Variants in FRMD3 observed in about 807,000 individuals in gnomAD.
The protein encoded by FRMD3 is FERM domain-containing protein 3.
FRMD3 carries 33 observed loss-of-function variants against 70.2 expected under a neutral mutation model. That is an observed-to-expected ratio of 0.47 (90% CI 0.36 to 0.63). The LOEUF (loss-of-function observed/expected upper bound fraction) is 0.63, where lower values mean the gene tolerates loss of function less well. Among genes scored for constraint, FRMD3 ranks in the 20% least tolerant of loss-of-function variants. The probability of loss-of-function intolerance (pLI) is 0.00; values close to 1 mark genes in which losing one functional copy is unlikely to be tolerated. For synonymous variants in FRMD3, 279 were observed against 255.9 expected, an observed-to-expected ratio of 1.09 and a Z score of -0.86; for missense variants, 632 against 711.4, an observed-to-expected ratio of 0.89 and a Z score of 1.27.
chr9:83,481,224 T>C (rs1256700575), intron 1 of FRMD3, among the ~76,000 whole-genome samples: 1 of 152,202 alleles, frequency 6.6e-6, no homozygotes, highest in African/African-American at 2.4e-5. Context: ...TCTAGATGTT[T>C]ATTACATTAT....
chr9:83,343,354 C>A, intron 4 of FRMD3, 67 bp from the exon 5 acceptor site: 2 of 1,072,244 alleles, frequency 1.9e-6, no homozygotes, highest in South Asian at 2.6e-5. Context: ...TAGGATTGTT[C>A]ATGCTTAGCT....
At chr9:83,511,012 G>T (rs952537793) in intron 1 of FRMD3, among the ~76,000 whole-genome samples, 3 of 152,152 alleles carry the variant, frequency 2.0e-5, no homozygotes, top group Admixed American at 2.0e-4. Flanking sequence ...TGTACGTTAC[G>T]TGTATTAGAT....
At chr9:83,363,653 C>A (rs1004454870) in intron 3 of FRMD3, among the ~76,000 whole-genome samples, 1 of 146,856 alleles carries the variant, frequency 6.8e-6, no homozygotes, top group African/African-American at 2.5e-5. Context: ...CCCCGGGGTT[C>A]ACGCCATTCT....
intron 1 of FRMD3, among the ~76,000 whole-genome samples, chr9:83,494,920 C>T (rs1388881299): frequency 6.6e-6 from 1 of 151,874 alleles, no homozygotes; most frequent in Non-Finnish European, 1.5e-5. Flanking sequence ...ATTGTATACA[C>T]AGTTGTATAC....
intron 1 of FRMD3, among the ~76,000 whole-genome samples, chr9:83,407,880 C>CCTCTT (rs1826166826): frequency 8.4e-6 from 1 of 119,256 alleles, no homozygotes; most frequent in Non-Finnish European, 1.6e-5. Context: ...TCTCATCTTT[C>CCTCTT]TCTCTCTCTC....
chr9:83,419,449 A>AGT (rs60945722), intron 1 of FRMD3, among the ~76,000 whole-genome samples: 23,948 of 148,418 alleles, frequency 0.16, 1,853 homozygotes, highest in South Asian at 0.25. Context: ...GCTGTGAGAG[A>AGT]GTGTGTGTGT....
intron 1 of FRMD3, among the ~76,000 whole-genome samples, chr9:83,474,358 A>T (rs1027331199): frequency 6.6e-6 from 1 of 152,202 alleles, no homozygotes; most frequent in Non-Finnish European, 1.5e-5. Context: ...AAATAAAGCA[A>T]CCATTCTACA....
At chr9:83,258,574 A>T (rs7019268) in intron 13 of FRMD3, among the ~76,000 whole-genome samples, 60,397 of 152,170 alleles carry the variant, frequency 0.4, 12,635 homozygotes, top group African/African-American at 0.52. Context: ...AGGCTGTGGA[A>T]AGGATCGAAC....
At chr9:83,343,396 G>A in intron 4 of FRMD3, 109 bp from the exon 5 acceptor site, 1 of 746,648 alleles carries the variant, frequency 1.3e-6, no homozygotes, top group Non-Finnish European at 2.3e-6. Flanking sequence ...CCCAGCTCTA[G>A]AGACTGGCTT....
chr9:83,479,337 G>A (rs1587893802), intron 1 of FRMD3, among the ~76,000 whole-genome samples: 2 of 73,882 alleles, frequency 2.7e-5, no homozygotes, highest in East Asian at 5.0e-4. Context: ...AGGGGAAGAA[G>A]AGGAAGAAGG....
the FRMD3 span, among the ~76,000 whole-genome samples, chr9:83,545,361 T>G: frequency 1.4e-4 from 21 of 145,200 alleles, no homozygotes; most frequent in East Asian, 2.8e-3. Flanking sequence ...TTTTTGTTTT[T>G]TTTTTTTTTT....
At chr9:83,489,175 C>A (rs1227686104) in intron 1 of FRMD3, among the ~76,000 whole-genome samples, 1 of 152,118 alleles carries the variant, frequency 6.6e-6, no homozygotes, top group African/African-American at 2.4e-5. Flanking sequence ...AAATACATTT[C>A]TTGACATCAG....
At chr9:83,487,683 C>T (rs1828718136) in intron 1 of FRMD3, among the ~76,000 whole-genome samples, 2 of 152,014 alleles carry the variant, frequency 1.3e-5, no homozygotes, top group African/African-American at 4.8e-5. Flanking sequence ...GAGATTTAAC[C>T]AAATATTACC....
intron 1 of FRMD3, among the ~76,000 whole-genome samples, chr9:83,494,729 C>A (rs1270644680): frequency 1.3e-5 from 2 of 152,054 alleles, no homozygotes; most frequent in Non-Finnish European, 2.9e-5. Flanking sequence ...CATAGTGAGA[C>A]CCCTGTCTCA....
chr9:83,368,924 G>A (rs150459603), intron 3 of FRMD3, among the ~76,000 whole-genome samples: 1,855 of 151,880 alleles, frequency 0.012, 53 homozygotes, highest in African/African-American at 0.043. Context: ...GCACCAACTC[G>A]GCTCACTTCA....
chr9:83,432,441 T>C (rs1336479305), intron 1 of FRMD3, among the ~76,000 whole-genome samples: 1 of 152,172 alleles, frequency 6.6e-6, no homozygotes, highest in Non-Finnish European at 1.5e-5. Context: ...GTGTCCTTTG[T>C]GTGGTGTGGC....
chr9:83,338,057 T>C (rs1823635585), intron 5 of FRMD3, among the ~76,000 whole-genome samples: 1 of 152,092 alleles, frequency 6.6e-6, no homozygotes, highest in South Asian at 2.1e-4. Flanking sequence ...TCCCTACATA[T>C]CATTTTTTAA....
intron 3 of FRMD3, among the ~76,000 whole-genome samples, chr9:83,356,493 G>A (rs1564031838): frequency 6.6e-6 from 1 of 151,508 alleles, no homozygotes; most frequent in Admixed American, 6.6e-5. Context: ...AGCCAGGATG[G>A]TCTCGATCTC....
chr9:83,330,743 G>A (rs1288248931), intron 6 of FRMD3, among the ~76,000 whole-genome samples: 1 of 152,236 alleles, frequency 6.6e-6, no homozygotes, highest in Non-Finnish European at 1.5e-5. Flanking sequence ...CTGAGTCACT[G>A]CACTAGAGAC....
Sources: gnomAD v4.1 joint callset for allele counts (sites outside exome capture counted in the v4.1 genomes callset) on GRCh38, gnomAD v4.1.1 for gene constraint, MANE v1.5 for transcripts, NCBI Gene and HGNC (gene_info 2026-07-23, HGNC 2026-07-21) for gene names.